Variants in SFMBT2 observed in about 807,000 individuals in gnomAD.
SFMBT2 encodes scm-like with four MBT domains protein 2.
SFMBT2 carries 38 observed loss-of-function variants against 110.1 expected under a neutral mutation model. The ratio of observed to expected loss-of-function variants is 0.35; its 90% CI spans 0.27 to 0.45. The LOEUF (loss-of-function observed/expected upper bound fraction) is 0.45, where lower values mean the gene tolerates loss of function less well. SFMBT2 is among the 20% of genes least tolerant of loss of function. The pLI is 1.00. For synonymous variants in SFMBT2, 425 were observed against 425.4 expected, an observed-to-expected ratio of 1.00 and a Z score of 0.01; for missense variants, 1,011 against 1,094.9, an observed-to-expected ratio of 0.92 and a Z score of 1.08.
At chr10:7,228,332 G>A (rs1193553285) in intron 9 of SFMBT2, 1 of 778,746 alleles carries the variant, frequency 1.3e-6, no homozygotes, top group Non-Finnish European at 1.6e-6. Context: ...TTACTTTTCG[G>A]TGTCTTTATG....
chr10:7,378,600 G>A (rs889209026), intron 2 of SFMBT2, among the ~76,000 whole-genome samples: 1 of 145,000 alleles, frequency 6.9e-6, no homozygotes, highest in African/African-American at 2.6e-5. Context: ...ATGGCTGTGG[G>A]GTGGGTGTGA....
intron 4 of SFMBT2, among the ~76,000 whole-genome samples, chr10:7,342,568 C>T (rs759766127): frequency 2.0e-5 from 3 of 152,004 alleles, no homozygotes; most frequent in Admixed American, 6.6e-5. Flanking sequence ...GCCACCGCGC[C>T]CAGCTAATAT....
chr10:7,243,009 C>A (rs574134539), intron 9 of SFMBT2, among the ~76,000 whole-genome samples: 1 of 152,204 alleles, frequency 6.6e-6, no homozygotes, highest in Non-Finnish European at 1.5e-5. Context: ...ACAAACCACA[C>A]TGGTAAACTC....
intron 4 of SFMBT2, among the ~76,000 whole-genome samples, chr10:7,339,927 G>A (rs536112603): frequency 6.6e-6 from 1 of 152,164 alleles, no homozygotes; most frequent in Non-Finnish European, 1.5e-5. Flanking sequence ...GGCCCAGAGG[G>A]TCAGCAGGAT....
intron 1 of SFMBT2, among the ~76,000 whole-genome samples, chr10:7,383,785 C>A (rs1287611595): frequency 6.6e-6 from 1 of 152,138 alleles, no homozygotes; most frequent in African/African-American, 2.4e-5. Flanking sequence ...AATGAGGGCA[C>A]AAGGTTTGAG....
At chr10:7,310,675 T>C (rs1011968505) in intron 4 of SFMBT2, among the ~76,000 whole-genome samples, 2 of 152,358 alleles carry the variant, frequency 1.3e-5, no homozygotes, top group African/African-American at 4.8e-5. Flanking sequence ...CATATGAAGT[T>C]GCTGTGCATT....
chr10:7,195,233 G>A (rs188205188), intron 15 of SFMBT2, among the ~76,000 whole-genome samples: 1 of 152,264 alleles, frequency 6.6e-6, no homozygotes, highest in East Asian at 1.9e-4. Context: ...TGTAATCCTG[G>A]CTTGATTTCT....
chr10:7,267,029 T>C (rs1841416496), intron 7 of SFMBT2, among the ~76,000 whole-genome samples: 1 of 152,224 alleles, frequency 6.6e-6, no homozygotes, highest in Non-Finnish European at 1.5e-5. Flanking sequence ...CTAAACTGTG[T>C]GTACAAACAA....
intron 4 of SFMBT2, among the ~76,000 whole-genome samples, chr10:7,324,961 CTTTT>C (rs869253757): frequency 2.2e-5 from 2 of 92,140 alleles, no homozygotes; most frequent in African/African-American, 9.3e-5. Flanking sequence ...AGAGGCCCCA[CTTTT>C]TTTTTTTTTT....
At chr10:7,286,354 C>G (rs543788670) in intron 4 of SFMBT2, 3 of 951,294 alleles carry the variant, frequency 3.2e-6, no homozygotes, top group Non-Finnish European at 1.3e-6. Flanking sequence ...ATTACATGAA[C>G]AGTTTATACA....
intron 4 of SFMBT2, among the ~76,000 whole-genome samples, chr10:7,298,310 C>G (rs72775528): frequency 0.021 from 3,130 of 152,266 alleles, 51 homozygotes; most frequent in Non-Finnish European, 0.028. Flanking sequence ...ACTGAGCACC[C>G]CCTAGACAGA....
chr10:7,276,356 T>C (rs1283236010), intron 7 of SFMBT2, among the ~76,000 whole-genome samples: 1 of 152,212 alleles, frequency 6.6e-6, no homozygotes, highest in East Asian at 1.9e-4. Context: ...TCCATAACAA[T>C]ATGCTACAAA....
In SFMBT2 at chr10:7,397,972, C is replaced by T. The variant is rs528159548; in HGVS notation, c.-52+12889G>A. Reference sequence around the variant, plus strand: ...CGGGGCAGGAGTTCACCTTGCCATCCGCCATATGCTCAGAGCTTGATTTAC... The same window carrying T: ...CGGGGCAGGAGTTCACCTTGCCATCTGCCATATGCTCAGAGCTTGATTTAC... On this transcript the variant is annotated intron_variant, in intron 1 of 20. Coordinates refer to ENST00000397167, the MANE Select transcript of SFMBT2 (RefSeq NM_001387889.1). Among the ~76,000 whole-genome samples the T allele has an allele frequency of 1.6e-4, 25 of 152,338 alleles. 1 individual carries two copies. In the South Asian group the frequency reaches 3.7e-3, roughly 23 times the overall value.
chr10:7,317,264 T>G (rs911834491), intron 4 of SFMBT2, among the ~76,000 whole-genome samples: 1 of 151,416 alleles, frequency 6.6e-6, no homozygotes. Context: ...CATTCGAAAA[T>G]AGAGGCAGCT....
chr10:7,355,954 G>A (rs1196757832), intron 4 of SFMBT2, among the ~76,000 whole-genome samples: 1 of 152,188 alleles, frequency 6.6e-6, no homozygotes, highest in Non-Finnish European at 1.5e-5. Flanking sequence ...TATTATATTT[G>A]TGCTTTCTGA....
intron 7 of SFMBT2, among the ~76,000 whole-genome samples, chr10:7,255,731 C>T (rs1240341546): frequency 1.3e-5 from 2 of 152,186 alleles, no homozygotes; most frequent in East Asian, 3.8e-4. Context: ...CCCTCCAGAG[C>T]CTGAGCAGTT....
intron 4 of SFMBT2, among the ~76,000 whole-genome samples, chr10:7,325,245 C>T (rs745497518): frequency 2.0e-5 from 3 of 151,902 alleles, no homozygotes; most frequent in Non-Finnish European, 4.4e-5. Flanking sequence ...TGGGATTACA[C>T]GCCTGAGCCA....
At position 7,285,897 on chromosome 10, in the gene SFMBT2, G is replaced by A. The variant is rs749125553; in HGVS notation, c.494C>T (p.Ser165Leu). The change falls in exon 5 of 21, where the codon TCG becomes TTG. Residue 165 changes from serine to leucine, a missense_variant. Ser to Leu is a moderately radical substitution (Grantham distance 145, BLOSUM62 -2). Coordinates refer to ENST00000397167, the MANE Select transcript of SFMBT2 (RefSeq NM_001387889.1). ...CAGGAGGTTGGCGGGTGCTGTCCTC[G>A]AACCAGTCAAGTCACGTATGAGAAA... ...TEFLIRDLTGSRTAPANLLEG... is the reference protein window; with the variant it reads ...TEFLIRDLTGLRTAPANLLEG... 6 of 872,460 alleles carry A rather than the reference G, an allele frequency of 6.9e-6. No individual in the cohort carries two copies. The highest frequency in any genetic ancestry group is 1.2e-5 in the Non-Finnish European group (6 of 501,658). The allele number at this position is 872,460 out of a possible 1,614,324, so 54.0% of individuals were successfully genotyped here.
Position 7,197,643 on chromosome 10 carries a change from G to A in SFMBT2, c.1603C>T (p.His535Tyr), listed in dbSNP as rs1339507216. The A allele has an allele frequency of 6.8e-6, 11 of 1,614,188 alleles. No homozygotes were observed. Among genetic ancestry groups the A allele is most frequent in the Non-Finnish European group, 9.3e-6 (11 of 1,180,026 alleles). Residue 535 changes from histidine (H) to tyrosine (Y), a missense_variant, in exon 15 of 21, where the codon CAC becomes TAC. His to Tyr is a moderately conservative substitution (Grantham distance 83, BLOSUM62 2). This residue lies in a region of SFMBT2 where 979 missense variants were observed against 1,016.1 expected (regional missense o/e 0.96). Transcript: ENST00000397167. ...KYCCPQLFIN[H>Y]RCFSGPYLNK... ...AGGTAAGGGCCTGAGAAACACCTGT[G>A]GTTGATGAAGAGCTGAGGACAGCAG...
Sources: allele counts gnomAD v4.1 joint callset (sites outside exome capture counted in the v4.1 genomes callset), GRCh38; gene constraint gnomAD v4.1.1; regional missense constraint gnomAD v4.1.1; transcripts MANE v1.5; gene names NCBI Gene and HGNC (gene_info 2026-07-23, HGNC 2026-07-21).